The following RAD17 variants were observed in gnomAD, a reference collection of about 807,000 sequenced individuals.
The protein encoded by RAD17 is cell cycle checkpoint protein RAD17.
In RAD17, 31 loss-of-function variants were observed where a neutral mutation model predicts 81.5. That is an observed-to-expected ratio of 0.38 (90% CI 0.29 to 0.51). RAD17 has a LOEUF of 0.51. Among genes scored for constraint, RAD17 ranks in the 20% least tolerant of loss-of-function variants. RAD17 has a pLI of 0.88. For missense variants in RAD17, 681 were observed against 781.2 expected, an observed-to-expected ratio of 0.87 and a Z score of 1.53; for synonymous variants, 261 against 266.2, an observed-to-expected ratio of 0.98 and a Z score of 0.19.
Position 69,386,386 on chromosome 5 carries a change from T to C in RAD17, c.825-10T>C. The C allele has an allele frequency of 6.3e-7, 1 of 1,592,092 alleles. No individual in the cohort carries two copies. The highest frequency in any genetic ancestry group is 8.5e-7 in the Non-Finnish European group (1 of 1,172,494). On this transcript the variant is annotated splice_polypyrimidine_tract_variant and intron_variant, in intron 10 of 18. Transcript: ENST00000354868. ...ATCATTTAACTGCTATCTTTCTTTA[T>C]AAAACTTAGTTTCAACCCTGTGGCA... is the stretch of plus-strand genomic sequence containing the variant.
chr5:69,399,802 A>T (rs1411371954), intron 16 of RAD17, among the ~76,000 whole-genome samples: 1 of 152,172 alleles, frequency 6.6e-6, no homozygotes, highest in Non-Finnish European at 1.5e-5. Flanking sequence ...TATACATTCA[A>T]TGTCTTTTAA....
At chr5:69,379,314 T>TA (rs1306815063) in intron 6 of RAD17, among the ~76,000 whole-genome samples, 2 of 152,144 alleles carry the variant, frequency 1.3e-5, no homozygotes, top group Non-Finnish European at 2.9e-5. Flanking sequence ...ATAGGGAACT[T>TA]ACCATGAATG....
At chr5:69,382,658 T>G (rs532498992) in intron 7 of RAD17, among the ~76,000 whole-genome samples, 1 of 152,312 alleles carries the variant, frequency 6.6e-6, no homozygotes, top group Non-Finnish European at 1.5e-5. Context: ...TAAGATGTGT[T>G]AAAAAGAACT....
intron 18 of RAD17, 58 bp downstream of exon 18, chr5:69,410,608 T>C (rs1480655045): frequency 1.4e-6 from 2 of 1,441,980 alleles, no homozygotes; most frequent in East Asian, 2.3e-5. Context: ...CTGAATATGT[T>C]CAGTATGAAT....
intron 6 of RAD17, 147 bp downstream of exon 6, chr5:69,374,858 A>C: frequency 1.5e-6 from 1 of 670,370 alleles, no homozygotes; most frequent in South Asian, 2.1e-5. Context: ...GGGCATGGTG[A>C]CTCATGCCTG....
At position 69,385,266 on chromosome 5, in the gene RAD17, C is replaced by CTT. The variant is rs35876455; in HGVS notation, c.645+352_645+353dup. 4.2e-3 allele frequency among the ~76,000 whole-genome samples: 427 copies of CTT among 102,252 alleles called. 8 individuals are homozygous for CTT. The highest frequency in any genetic ancestry group is 8.3e-3 in the Middle Eastern group (1 of 120). The allele number at this position is 102,252 out of a possible 152,430, so 67.1% of individuals were successfully genotyped here. A position where few individuals can be genotyped will look rare whatever the true frequency, so the allele number is the denominator to read the frequency against. On this transcript the variant is annotated intron_variant, in intron 8 of 18. Transcript: ENST00000354868. ...TGAGCCACCATGCCTGGCCTAAAATCTTTTTTTTTTTTTTTTTTTTGAGAC... is the reference window on the plus strand; with the variant it reads ...TGAGCCACCATGCCTGGCCTAAAATCTTTTTTTTTTTTTTTTTTTTTTGAGAC...
intron 16 of RAD17, among the ~76,000 whole-genome samples, chr5:69,399,038 GGGTGT>G (rs1293803909): frequency 6.6e-6 from 1 of 151,944 alleles, no homozygotes; most frequent in East Asian, 1.9e-4. Flanking sequence ...AAAATTAGCT[GGGTGT>G]GGTGGCAAAC....
intron 5 of RAD17, 54 bp from the exon 6 acceptor site, chr5:69,374,574 C>A: frequency 1.5e-6 from 2 of 1,351,396 alleles, no homozygotes; most frequent in Non-Finnish European, 2.1e-6. Flanking sequence ...TGCTGATGTA[C>A]CAAAAAATCT....
At chr5:69,393,621 G>A in intron 15 of RAD17, 121 bp downstream of exon 15, 1 of 946,006 alleles carries the variant, frequency 1.1e-6, no homozygotes, top group East Asian at 2.7e-5. Flanking sequence ...TCATAACTAT[G>A]CTAAAGTTAA....
chr5:69,406,283 C>G (rs1300511975), intron 17 of RAD17, among the ~76,000 whole-genome samples: 2 of 152,106 alleles, frequency 1.3e-5, no homozygotes, highest in East Asian at 3.9e-4. Flanking sequence ...TGAAATAAGC[C>G]AGGCACAGAA....
intron 7 of RAD17, 54 bp from the exon 8 acceptor site, chr5:69,384,743 A>G: frequency 6.7e-7 from 1 of 1,501,008 alleles, no homozygotes; most frequent in South Asian, 1.2e-5. Context: ...CAGATGTATA[A>G]TATTAATGTA....
intron 13 of RAD17, 74 bp downstream of exon 13, chr5:69,392,087 A>T (rs1764589859): frequency 2.7e-5 from 35 of 1,279,268 alleles, no homozygotes; most frequent in Non-Finnish European, 3.6e-5. Context: ...TGTCACTTTT[A>T]AAAAAATGTC....
intron 17 of RAD17, among the ~76,000 whole-genome samples, chr5:69,405,087 G>T (rs1303824881): frequency 4.6e-5 from 7 of 152,198 alleles, no homozygotes; most frequent in Admixed American, 4.6e-4. Flanking sequence ...AGTTAGAATG[G>T]CCGTTACCAA....
At chr5:69,387,967 A>T (rs1343575880) in intron 11 of RAD17, among the ~76,000 whole-genome samples, 2 of 152,212 alleles carry the variant, frequency 1.3e-5, no homozygotes. Context: ...TTGAGGCTGC[A>T]GTGATCTAGA....
chr5:69,375,971 T>C (rs1271419631), intron 6 of RAD17, among the ~76,000 whole-genome samples: 1 of 152,230 alleles, frequency 6.6e-6, no homozygotes, highest in Non-Finnish European at 1.5e-5. Flanking sequence ...CTAATAATGA[T>C]TAACTTATTC....
chr5:69,389,172 G>A (rs779041400), intron 12 of RAD17, 27 bp downstream of exon 12: 127 of 1,372,646 alleles, frequency 9.3e-5, no homozygotes, highest in Non-Finnish European at 1.2e-4. Context: ...CAGTCATGTG[G>A]CATTATATAG....
chr5:69,376,603 C>T (rs994338314), intron 6 of RAD17, among the ~76,000 whole-genome samples: 1 of 152,168 alleles, frequency 6.6e-6, no homozygotes, highest in Non-Finnish European at 1.5e-5. Flanking sequence ...ACTAACCTTC[C>T]CTCACCAGAG....
At chr5:69,377,457 A>ATATG (rs1763436194) in intron 6 of RAD17, among the ~76,000 whole-genome samples, 1 of 9,794 alleles carries the variant, frequency 1.0e-4, no homozygotes, top group African/African-American at 1.8e-4. Context: ...ATATATATAT[A>ATATG]TATATATATA....
At chr5:69,371,858 C>T (rs937987581) in intron 3 of RAD17, among the ~76,000 whole-genome samples, 176 bp from the exon 4 acceptor site, 2 of 152,120 alleles carry the variant, frequency 1.3e-5, no homozygotes, top group East Asian at 3.9e-4. Flanking sequence ...AGCACTGCTT[C>T]TTAGAAGTAA....
Sources: gnomAD v4.1 joint callset for allele counts (sites outside exome capture counted in the v4.1 genomes callset) on GRCh38, gnomAD v4.1.1 for gene constraint, MANE v1.5 for transcripts, NCBI Gene and HGNC (gene_info 2026-07-23, HGNC 2026-07-21) for gene names.